The following FHIT variants were observed in gnomAD, a reference collection of about 807,000 sequenced individuals.
FHIT encodes the protein fragile histidine triad diadenosine triphosphatase.
FHIT carries 19 observed loss-of-function variants against 17.9 expected under a neutral mutation model. The observed-to-expected ratio is 1.06, with a 90% CI of 0.74 to 1.56. The LOEUF (loss-of-function observed/expected upper bound fraction) is 1.56, where lower values mean the gene tolerates loss of function less well. Ranked by LOEUF, FHIT falls within the 40% of genes most tolerant of loss-of-function variation. The probability of loss-of-function intolerance (pLI) is 0.00; values close to 1 mark genes in which losing one functional copy is unlikely to be tolerated. For synonymous variants in FHIT, 81 were observed against 69.7 expected, an observed-to-expected ratio of 1.16 and a Z score of -0.81; for missense variants, 248 against 189.2, an observed-to-expected ratio of 1.31 and a Z score of -1.82.
chr3:60,464,362 C>T (rs2032663583), intron 5 of FHIT, among the ~76,000 whole-genome samples: 1 of 152,094 alleles, frequency 6.6e-6, no homozygotes, highest in Admixed American at 6.6e-5. Flanking sequence ...CTTTGTGTTA[C>T]AAACAATCCT....
chr3:60,860,132 G>GAT (rs1317282211), intron 3 of FHIT, among the ~76,000 whole-genome samples: 3 of 145,248 alleles, frequency 2.1e-5, no homozygotes, highest in Non-Finnish European at 4.5e-5. Flanking sequence ...TGATATATCT[G>GAT]ATATATATAC....
intron 3 of FHIT, among the ~76,000 whole-genome samples, chr3:60,933,772 C>G (rs1197579178): frequency 2.6e-5 from 4 of 152,220 alleles, no homozygotes; most frequent in Non-Finnish European, 5.9e-5. Context: ...TACACACTTA[C>G]TAGTATAGAA....
chr3:60,398,145 CA>C (rs985993200), intron 5 of FHIT, among the ~76,000 whole-genome samples: 7 of 151,982 alleles, frequency 4.6e-5, no homozygotes, highest in Non-Finnish European at 8.8e-5. Context: ...AACTAAGGAG[CA>C]AAAAACCCTG....
intron 3 of FHIT, among the ~76,000 whole-genome samples, chr3:61,003,525 T>A (rs1048466245): frequency 3.9e-5 from 6 of 152,340 alleles, no homozygotes; most frequent in African/African-American, 1.4e-4. Context: ...GCTACCACAT[T>A]GTGTTTATGC....
chr3:60,814,976 G>C (rs1055759932), intron 4 of FHIT, among the ~76,000 whole-genome samples: 2 of 147,742 alleles, frequency 1.4e-5, no homozygotes, highest in African/African-American at 5.0e-5. Context: ...GTTTTGATTT[G>C]TATTTCTCTG....
At chr3:61,110,759 T>C (rs2036134452) in intron 2 of FHIT, among the ~76,000 whole-genome samples, 1 of 152,180 alleles carries the variant, frequency 6.6e-6, no homozygotes, top group African/African-American at 2.4e-5. Context: ...GTTTGAGTGC[T>C]TTGAGCTCTG....
At chr3:61,021,547 C>T (rs1338684034) in intron 3 of FHIT, among the ~76,000 whole-genome samples, 3 of 139,518 alleles carry the variant, frequency 2.2e-5, no homozygotes, top group South Asian at 2.3e-4. Flanking sequence ...TGCAGTGAGC[C>T]GAGATCCCGC....
intron 3 of FHIT, among the ~76,000 whole-genome samples, chr3:60,862,290 G>A (rs1044810957): frequency 1.3e-5 from 2 of 151,858 alleles, no homozygotes; most frequent in Non-Finnish European, 2.9e-5. Flanking sequence ...GTGATCATCC[G>A]TACTAGCTAG....
intron 4 of FHIT, among the ~76,000 whole-genome samples, chr3:60,723,255 A>G (rs1716749): frequency 0.41 from 61,806 of 152,034 alleles, 13,301 homozygotes; most frequent in African/African-American, 0.55. Flanking sequence ...CATTGTGCAG[A>G]AAAGAGTTAA....
chr3:60,619,637 C>G (rs1553677587), intron 4 of FHIT, among the ~76,000 whole-genome samples: 1 of 125,544 alleles, frequency 8.0e-6, no homozygotes, highest in Admixed American at 7.7e-5. Context: ...AGAATCTAGA[C>G]AAAGACCTCA....
chr3:59,841,566 C>T (rs1253111255), intron 8 of FHIT, among the ~76,000 whole-genome samples: 1 of 152,160 alleles, frequency 6.6e-6, no homozygotes, highest in East Asian at 1.9e-4. Flanking sequence ...GGGCCTACCT[C>T]AAAGTCCAGC....
At chr3:60,533,354 T>C (rs551022115) in intron 5 of FHIT, among the ~76,000 whole-genome samples, 21 of 152,318 alleles carry the variant, frequency 1.4e-4, no homozygotes, top group African/African-American at 4.6e-4. Flanking sequence ...AGCTTCACTT[T>C]AGATTCAGTG....
chr3:60,926,077 A>T (rs1170358908), intron 3 of FHIT, among the ~76,000 whole-genome samples: 1 of 152,176 alleles, frequency 6.6e-6, no homozygotes, highest in Non-Finnish European at 1.5e-5. Flanking sequence ...AGACCTACAA[A>T]GAGACTTAGA....
intron 2 of FHIT, among the ~76,000 whole-genome samples, chr3:61,084,396 T>C (rs555454098): frequency 6.6e-6 from 1 of 152,236 alleles, no homozygotes; most frequent in Non-Finnish European, 1.5e-5. Flanking sequence ...TTCAGAATTA[T>C]CTTGCCTATT....
At chr3:61,223,457 A>C (rs1184814699) in intron 1 of FHIT, among the ~76,000 whole-genome samples, 2 of 152,226 alleles carry the variant, frequency 1.3e-5, no homozygotes, top group East Asian at 3.8e-4. Context: ...GTGCGAGCTC[A>C]AAGTTAAATA....
At chr3:61,161,316 C>T (rs2037686678) in intron 2 of FHIT, among the ~76,000 whole-genome samples, 1 of 151,960 alleles carries the variant, frequency 6.6e-6, no homozygotes. Flanking sequence ...ATTCTCTTGC[C>T]TCAGCCTCCC....
chr3:60,517,184 A>G (rs867556317), intron 5 of FHIT, among the ~76,000 whole-genome samples: 11 of 152,304 alleles, frequency 7.2e-5, no homozygotes, highest in Middle Eastern at 3.4e-3. Context: ...GGGTTAAGTT[A>G]AATATATTTT....
At chr3:59,846,683 T>C (rs902872280) in intron 8 of FHIT, among the ~76,000 whole-genome samples, 1 of 152,182 alleles carries the variant, frequency 6.6e-6, no homozygotes, top group Non-Finnish European at 1.5e-5. Flanking sequence ...TATTTCTTTA[T>C]ATAGCTTCAA....
At chr3:61,128,956 C>T (rs76474707) in intron 2 of FHIT, among the ~76,000 whole-genome samples, 1 of 152,108 alleles carries the variant, frequency 6.6e-6, no homozygotes, top group Non-Finnish European at 1.5e-5. Context: ...AAATGCCAAG[C>T]TCCAGTAACT....
Sources: allele counts gnomAD v4.1 joint callset (sites outside exome capture counted in the v4.1 genomes callset), GRCh38; gene constraint gnomAD v4.1.1; transcripts MANE v1.5; gene names NCBI Gene and HGNC (gene_info 2026-07-23, HGNC 2026-07-21).